RAB6B: variants seen among roughly 807,000 people sequenced by gnomAD.
The protein encoded by RAB6B is RAB6B, member RAS oncogene family.
Under a neutral mutation model 31.2 loss-of-function variants are expected in RAB6B, and 7 were observed. The observed-to-expected ratio is 0.22, with a 90% CI of 0.13 to 0.42. The LOEUF is 0.42. RAB6B is among the 10% of genes least tolerant of loss of function. The pLI is 1.00. For missense variants in RAB6B, 149 were observed against 280.6 expected (o/e 0.53, Z 3.35); for synonymous variants, 105 against 104.9 (o/e 1.00, Z -0.01).
intron 1 of RAB6B, among the ~76,000 whole-genome samples, chr3:133,884,607 G>A (rs1936512477): frequency 6.6e-6 from 1 of 152,238 alleles, no homozygotes; most frequent in Admixed American, 6.5e-5. Context: ...CACTGGAAGA[G>A]AAGTCCAGTG....
At chr3:133,834,211 C>G (rs1935697875) in intron 7 of RAB6B, among the ~76,000 whole-genome samples, 1 of 152,066 alleles carries the variant, frequency 6.6e-6, no homozygotes, top group Non-Finnish European at 1.5e-5. Flanking sequence ...AGATCATATC[C>G]CCAGTGACAG....
intron 2 of RAB6B, among the ~76,000 whole-genome samples, chr3:133,856,879 A>G (rs1034756071): frequency 1.3e-5 from 2 of 152,142 alleles, no homozygotes; most frequent in African/African-American, 4.8e-5. Context: ...TTCACGACAT[A>G]AGAGTGTCAC....
chr3:133,889,428 A>C (rs1193753972), intron 1 of RAB6B, among the ~76,000 whole-genome samples: 2 of 69,060 alleles, frequency 2.9e-5, no homozygotes, highest in African/African-American at 6.8e-5. Context: ...ATATATATAT[A>C]TATATATATA....
intron 1 of RAB6B, among the ~76,000 whole-genome samples, chr3:133,877,559 A>T (rs1396985663): frequency 6.6e-6 from 1 of 152,112 alleles, no homozygotes; most frequent in Non-Finnish European, 1.5e-5. Context: ...GGAACAGAAA[A>T]ACTATCCACA....
chr3:133,874,266 G>A (rs56663239), intron 1 of RAB6B, among the ~76,000 whole-genome samples: 4,681 of 152,268 alleles, frequency 0.031, 227 homozygotes, highest in African/African-American at 0.11. Flanking sequence ...CGCATCATTA[G>A]GTGACTCTGT....
intron 1 of RAB6B, among the ~76,000 whole-genome samples, chr3:133,890,964 G>C (rs756435849): frequency 6.6e-6 from 1 of 152,222 alleles, no homozygotes; most frequent in African/African-American, 2.4e-5. Flanking sequence ...GGCCAGGTGG[G>C]CTGGTAGCCC....
chr3:133,856,362 G>A (rs983983487), intron 2 of RAB6B, among the ~76,000 whole-genome samples: 11 of 151,972 alleles, frequency 7.2e-5, no homozygotes, highest in Non-Finnish European at 1.0e-4. Flanking sequence ...TTCTGCTGTC[G>A]TGGCCCATGG....
At chr3:133,852,761 G>A (rs1025895245) in intron 2 of RAB6B, among the ~76,000 whole-genome samples, 4 of 152,206 alleles carry the variant, frequency 2.6e-5, no homozygotes, top group African/African-American at 7.2e-5. Flanking sequence ...TTACAGGCGT[G>A]AGTCACCATG....
chr3:133,838,858 C>T (rs1696796023), intron 5 of RAB6B, among the ~76,000 whole-genome samples: 1 of 152,216 alleles, frequency 6.6e-6, no homozygotes. Context: ...CTGCAGGAAG[C>T]CCACACTGCT....
intron 1 of RAB6B, among the ~76,000 whole-genome samples, chr3:133,885,951 C>T (rs1401253409): frequency 6.6e-6 from 1 of 152,158 alleles, no homozygotes; most frequent in African/African-American, 2.4e-5. Flanking sequence ...CCAATCAGAA[C>T]ACATTCTGCC....
chr3:133,824,340 G>C lies in RAB6B; in HGVS notation c.*4448C>G, dbSNP rs1018086284. The C allele has an allele frequency of 7.9e-5, 12 of 152,162 alleles. No homozygotes were observed. Among genetic ancestry groups the C allele is most frequent in the African/African-American group, 2.7e-4 (11 of 41,412 alleles). 9.4% of individuals were successfully genotyped at this position (152,162 alleles called of 1,614,324 possible). A position where few individuals can be genotyped will look rare whatever the true frequency, so the allele number is the denominator to read the frequency against. ...TCAACATGGCGGCTATGTCTTCTGA[G>C]CCCATAACAGATGGAATTGCCACCC... On this transcript the variant is annotated 3_prime_UTR_variant, in exon 8 of 8. Transcript: ENST00000285208.
At chr3:133,832,368 A>C (rs1935667233) in intron 7 of RAB6B, among the ~76,000 whole-genome samples, 1 of 152,052 alleles carries the variant, frequency 6.6e-6, no homozygotes. Flanking sequence ...TCGAACGTGA[A>C]GAAGAGGTGC....
intron 2 of RAB6B, among the ~76,000 whole-genome samples, chr3:133,849,568 G>A (rs1201481533): frequency 6.6e-6 from 1 of 152,216 alleles, no homozygotes; most frequent in African/African-American, 2.4e-5. Context: ...AAGAAAGCAA[G>A]GCTTACTCAG....
At chr3:133,840,125 T>C (rs1935802616) in intron 4 of RAB6B, among the ~76,000 whole-genome samples, 1 of 151,372 alleles carries the variant, frequency 6.6e-6, no homozygotes, top group South Asian at 2.1e-4. Context: ...TCAGGAGAGT[T>C]TGGGGAAGGC....
At chr3:133,829,152 G>C (rs1016406440) in intron 7 of RAB6B, among the ~76,000 whole-genome samples, 1 of 152,156 alleles carries the variant, frequency 6.6e-6, no homozygotes, top group Non-Finnish European at 1.5e-5. Flanking sequence ...CCCTCGACCA[G>C]TGCTCAAATG....
At chr3:133,850,828 TAAAG>T (rs1476612856) in intron 2 of RAB6B, among the ~76,000 whole-genome samples, 1 of 151,520 alleles carries the variant, frequency 6.6e-6, no homozygotes, top group Non-Finnish European at 1.5e-5. Context: ...ATTAAAAAAA[TAAAG>T]AAACAAAATC....
chr3:133,849,135 T>C (rs1211831233), intron 2 of RAB6B, among the ~76,000 whole-genome samples: 4 of 152,224 alleles, frequency 2.6e-5, no homozygotes, highest in South Asian at 4.1e-4. Flanking sequence ...TTTATACTTA[T>C]TCAGAATTCA....
intron 1 of RAB6B, among the ~76,000 whole-genome samples, chr3:133,880,511 T>C (rs1435300799): frequency 1.3e-5 from 2 of 152,230 alleles, no homozygotes; most frequent in Non-Finnish European, 1.5e-5. Flanking sequence ...TGCAGGCTGA[T>C]GCAGGCAAGG....
At chr3:133,894,897 G>C (rs1218116912) in intron 1 of RAB6B, among the ~76,000 whole-genome samples, 2 of 152,166 alleles carry the variant, frequency 1.3e-5, no homozygotes, top group African/African-American at 4.8e-5. Context: ...CTTTCGCATG[G>C]TTCCCAGCAG....
Sources: allele counts gnomAD v4.1 joint callset (sites outside exome capture counted in the v4.1 genomes callset), GRCh38; gene constraint gnomAD v4.1.1; transcripts MANE v1.5; gene names NCBI Gene and HGNC (gene_info 2026-07-23, HGNC 2026-07-21).